Variants in KIAA0825 observed in about 807,000 individuals in gnomAD.
KIAA0825 encodes the protein uncharacterized protein KIAA0825.
In KIAA0825, 119 loss-of-function variants were observed where a neutral mutation model predicts 147.6. The ratio of observed to expected loss-of-function variants is 0.81; its 90% confidence interval spans 0.69 to 0.94. The LOEUF (loss-of-function observed/expected upper bound fraction) is 0.94, where lower values mean the gene tolerates loss of function less well. Ranked by LOEUF, KIAA0825 falls within the 40% of genes least tolerant of loss-of-function variation. The probability of loss-of-function intolerance (pLI) is 0.00; values close to 1 mark genes in which losing one functional copy is unlikely to be tolerated. For missense variants in KIAA0825, 1,381 were observed against 1,472.7 expected, an observed-to-expected ratio of 0.94 and a Z score of 1.02; for synonymous variants, 470 against 518.1, an observed-to-expected ratio of 0.91 and a Z score of 1.26.
intron 20 of KIAA0825, among the ~76,000 whole-genome samples, chr5:94,215,649 T>A (rs1773126258): frequency 6.6e-6 from 1 of 152,088 alleles, no homozygotes; most frequent in Non-Finnish European, 1.5e-5. Context: ...CTCTTCCCCT[T>A]TTCCCTTTTT....
intron 3 of KIAA0825, among the ~76,000 whole-genome samples, chr5:94,529,120 G>T (rs943170373): frequency 6.6e-6 from 1 of 150,538 alleles, no homozygotes; most frequent in Non-Finnish European, 1.5e-5. Context: ...CATACTGAGG[G>T]TTTTAATAAT....
chr5:94,608,474 A>ATTATATATATATTATATATATATT (rs1491366946), intron 1 of KIAA0825, among the ~76,000 whole-genome samples: 1 of 14,522 alleles, frequency 6.9e-5, no homozygotes, highest in Non-Finnish European at 1.2e-4. Context: ...TTATATATAT[A>ATTATATATATATTATATATATATT]ATATATATAT....
intron 20 of KIAA0825, among the ~76,000 whole-genome samples, chr5:94,332,394 G>A (rs1781373259): frequency 6.6e-6 from 1 of 151,888 alleles, no homozygotes; most frequent in Admixed American, 6.6e-5. Context: ...ACCCCCGATA[G>A]GCCCTGGTGT....
intron 20 of KIAA0825, among the ~76,000 whole-genome samples, chr5:94,366,459 T>A (rs1345901065): frequency 6.6e-6 from 1 of 152,106 alleles, no homozygotes; most frequent in Non-Finnish European, 1.5e-5. Context: ...CACGTCCTCC[T>A]TTTGCAATTA....
intron 2 of KIAA0825, among the ~76,000 whole-genome samples, chr5:94,548,286 T>C (rs1178503774): frequency 1.3e-5 from 2 of 152,204 alleles, no homozygotes; most frequent in African/African-American, 4.8e-5. Context: ...ACTAAGTTTT[T>C]ACTAGTTTTC....
intron 20 of KIAA0825, among the ~76,000 whole-genome samples, chr5:94,334,540 T>TG (rs2150304785): frequency 1.3e-5 from 2 of 152,354 alleles, no homozygotes; most frequent in East Asian, 3.9e-4. Flanking sequence ...TGAATTGCAG[T>TG]GGTGCAATCT....
intron 5 of KIAA0825, among the ~76,000 whole-genome samples, chr5:94,499,681 G>A (rs979394026): frequency 4.0e-5 from 6 of 149,160 alleles, no homozygotes; most frequent in African/African-American, 7.4e-5. Context: ...TTAATAAGTC[G>A]TTTGGCTGGC....
At chr5:94,575,289 G>A (rs1381416637) in intron 2 of KIAA0825, among the ~76,000 whole-genome samples, 1 of 151,726 alleles carries the variant, frequency 6.6e-6, no homozygotes, top group Non-Finnish European at 1.5e-5. Context: ...AACAGAGAGA[G>A]GAAGATCAAT....
At chr5:94,323,833 C>T (rs1011250619) in intron 20 of KIAA0825, among the ~76,000 whole-genome samples, 15 of 151,884 alleles carry the variant, frequency 9.9e-5, no homozygotes, top group African/African-American at 3.6e-4. Flanking sequence ...ACCCTATTAC[C>T]TTCAATCATT....
rs1202327380 is a variant in KIAA0825 at position 94,151,411 on chromosome 5, G to A, written c.*2596C>T. On this transcript the variant is annotated 3_prime_UTR_variant, in exon 21 of 21. Coordinates refer to ENST00000682413, the MANE Select transcript of KIAA0825 (RefSeq NM_001145678.3). ...CGCAGTCCGGCCTGGGCGACAGAGC[G>A]AGACTCCGTCTCAAAAAAAAAAAAA... Among the ~76,000 whole-genome samples the A allele has an allele frequency of 1.8e-5, 2 of 111,614 alleles. No individual in the cohort carries two copies. The highest frequency in any genetic ancestry group is 7.0e-5 in the African/African-American group (2 of 28,406). 73.2% of individuals were successfully genotyped at this position (111,614 alleles called of 152,430 possible).
chr5:94,382,720 A>G (rs1220630386), intron 20 of KIAA0825, among the ~76,000 whole-genome samples: 1 of 152,216 alleles, frequency 6.6e-6, no homozygotes, highest in Non-Finnish European at 1.5e-5. Context: ...CACAGATCTC[A>G]AGAAAATACA....
chr5:94,175,658 CTAA>C (rs1353946382), intron 20 of KIAA0825, among the ~76,000 whole-genome samples: 4 of 152,086 alleles, frequency 2.6e-5, no homozygotes, highest in African/African-American at 9.7e-5. Context: ...TAACAGTTGA[CTAA>C]TGTTAAAATT....
intron 20 of KIAA0825, among the ~76,000 whole-genome samples, chr5:94,307,465 T>G (rs10491400): frequency 0.2 from 30,967 of 151,660 alleles, 3,597 homozygotes; most frequent in Non-Finnish European, 0.25. Flanking sequence ...AAGGGAATAG[T>G]CCTTTCTGTG....
At chr5:94,556,691 TATC>T (rs1776602580) in intron 2 of KIAA0825, among the ~76,000 whole-genome samples, 1 of 152,224 alleles carries the variant, frequency 6.6e-6, no homozygotes, top group Admixed American at 6.5e-5. Flanking sequence ...ACCAGTCTTG[TATC>T]ATCAATATCC....
At chr5:94,157,856 A>G (rs1358500545) in intron 20 of KIAA0825, among the ~76,000 whole-genome samples, 4 of 152,104 alleles carry the variant, frequency 2.6e-5, no homozygotes, top group African/African-American at 9.7e-5. Flanking sequence ...ATGCATAGTA[A>G]AACATGAGGT....
At chr5:94,602,076 G>A (rs1407086130) in intron 1 of KIAA0825, among the ~76,000 whole-genome samples, 3 of 152,196 alleles carry the variant, frequency 2.0e-5, no homozygotes, top group Non-Finnish European at 2.9e-5. Context: ...AAGGCTGGGC[G>A]AGGTGGCTCA....
chr5:94,458,072 C>T (rs927001019), intron 12 of KIAA0825, among the ~76,000 whole-genome samples: 1 of 152,238 alleles, frequency 6.6e-6, no homozygotes, highest in Non-Finnish European at 1.5e-5. Flanking sequence ...ACATGTGAAC[C>T]TTTCTGATGG....
chr5:94,528,381 C>T (rs889549358), intron 3 of KIAA0825, among the ~76,000 whole-genome samples: 3 of 152,176 alleles, frequency 2.0e-5, no homozygotes, highest in Non-Finnish European at 2.9e-5. Context: ...TTATATACCA[C>T]GGATCCCACT....
intron 3 of KIAA0825, among the ~76,000 whole-genome samples, chr5:94,528,788 CTTT>C (rs371001404): frequency 6.1e-5 from 9 of 146,548 alleles, no homozygotes; most frequent in Non-Finnish European, 1.4e-4. Flanking sequence ...AAATGTGCTC[CTTT>C]TTTTTTTTTA....
Sources: allele counts gnomAD v4.1 joint callset (sites outside exome capture counted in the v4.1 genomes callset), GRCh38; gene constraint gnomAD v4.1.1; transcripts MANE v1.5; gene names NCBI Gene and HGNC (gene_info 2026-07-23, HGNC 2026-07-21).